USH1C: variants seen among roughly 807,000 people sequenced by gnomAD.
The protein encoded by USH1C is USH1 protein network component harmonin.
Under a neutral mutation model 119.3 loss-of-function variants are expected in USH1C, and 90 were observed. The ratio of observed to expected loss-of-function variants is 0.75; its 90% CI spans 0.64 to 0.90. The LOEUF is 0.90. Ranked by LOEUF, USH1C falls within the 40% of genes least tolerant of loss-of-function variation. The pLI is 0.00. For synonymous variants in USH1C, 465 were observed against 443.3 expected (o/e 1.05, Z -0.62); for missense variants, 1,165 against 1,167.7 (o/e 1.00, Z 0.03).
At position 17,496,826 on chromosome 11, in the gene USH1C, G is replaced by C. The variant is rs780587660; in HGVS notation, c.2491-13C>G. On this transcript the variant is annotated splice_polypyrimidine_tract_variant and intron_variant, in intron 24 of 26. Transcript: ENST00000005226. ...GGTCGATCCAGTCCTGTGGGGAGAA[G>C]CCGTGTGACTCTGGGGCACACTCAG... The C allele has an allele frequency of 6.2e-7, 1 of 1,614,118 alleles. No individual in the cohort carries two copies. The highest frequency in any genetic ancestry group is 8.5e-7 in the Non-Finnish European group (1 of 1,179,948).
chr11:17,503,392 G>A (rs895838608), intron 20 of USH1C, among the ~76,000 whole-genome samples: 22 of 152,348 alleles, frequency 1.4e-4, no homozygotes, highest in Admixed American at 4.6e-4. Flanking sequence ...TGTGTTTTGT[G>A]TGAATTTAGA....
intron 8 of USH1C, among the ~76,000 whole-genome samples, chr11:17,525,275 C>T (rs535953732): frequency 6.6e-6 from 1 of 152,200 alleles, no homozygotes; most frequent in Non-Finnish European, 1.5e-5. Context: ...GTTCGAGTCC[C>T]TATCACCCTA....
Position 17,531,708 on chromosome 11 carries a change from A to G in USH1C, c.105-166T>C, listed in dbSNP as rs1850994558. On this transcript the variant is annotated intron_variant, in intron 2 of 26. Coordinates refer to ENST00000005226, the MANE Select transcript of USH1C (RefSeq NM_153676.4). This position sits in a 1 kb window ranked among gnomAD's most constrained non-coding sequence, Gnocchi z 4.2. ...TCACACCGGGCCAGTGCCTGAGAAG[A>G]CTTTGTTCTCTTATATAAATATCCC... Among the ~76,000 whole-genome samples the G allele has an allele frequency of 6.6e-6, 1 of 152,148 alleles. No individual in the cohort carries two copies. Among genetic ancestry groups the G allele is most frequent in the African/African-American group, 2.4e-5 (1 of 41,408 alleles).
chr11:17,494,410 A>C lies in USH1C; in HGVS notation c.2656-34T>G, dbSNP rs370787719. On this transcript the variant is annotated intron_variant, in intron 26 of 26. Transcript: ENST00000005226. The stretch of plus-strand genomic sequence containing the variant: ...AAGTGGAAACAGCCCAGGTGGATAC[A>C]GGCTTTGTGGGTGCACACTCAGCCC... 2.5e-6 allele frequency: 4 copies of C among 1,579,182 alleles called. No individual in the cohort carries two copies. The African/African-American group carries it at 4.0e-5, about 16-fold the overall frequency.
At chr11:17,524,568 C>T in intron 8 of USH1C, 33 bp from the exon 9 acceptor site, 1 of 1,551,624 alleles carries the variant, frequency 6.4e-7, no homozygotes, top group South Asian at 1.2e-5. Context: ...GCTCGGGATT[C>T]AGGTAACCCA....
chr11:17,521,517 TC>T, intron 12 of USH1C, 106 bp from the exon 13 acceptor site: 3 of 1,203,834 alleles, frequency 2.5e-6, no homozygotes, highest in Admixed American at 3.5e-5. Flanking sequence ...TTCTCCAGGC[TC>T]CCTTCCTAGG....
chr11:17,514,462 G>A (rs1019783320), intron 15 of USH1C: 25 of 152,200 alleles, frequency 1.6e-4, no homozygotes, highest in African/African-American at 4.8e-4. Flanking sequence ...CACGTGATTC[G>A]CCTGTCTTGG....
chr11:17,543,617 G>T (rs1377410179), intron 1 of USH1C, among the ~76,000 whole-genome samples: 1 of 152,158 alleles, frequency 6.6e-6, no homozygotes, highest in Non-Finnish European at 1.5e-5. Flanking sequence ...CCACCAGTGA[G>T]GCCCCTCACT....
chr11:17,510,259 T>A, intron 17 of USH1C, 146 bp downstream of exon 17: 1 of 690,410 alleles, frequency 1.4e-6, no homozygotes, highest in Admixed American at 2.1e-5. Context: ...AAGAGGGGAG[T>A]GGGGTGGTAG....
chr11:17,512,375 C>G (rs908561766), intron 15 of USH1C, among the ~76,000 whole-genome samples: 6 of 152,198 alleles, frequency 3.9e-5, no homozygotes, highest in Non-Finnish European at 8.8e-5. Flanking sequence ...ATACCTCCCC[C>G]ACAGGCTTGC....
rs942153338 is a variant in USH1C, at chr11:17,505,607, C to G, written c.2133+223G>C. Among the ~76,000 whole-genome samples, 27 of 152,220 alleles carry G rather than the reference C, an allele frequency of 1.8e-4. 1 individual carries two copies. Among genetic ancestry groups the G allele is most frequent in the Admixed American group, 1.4e-3 (22 of 15,290 alleles). ...TCATTATTACTTTTAGACAGAGCTCCAGGCTGTTCAGTCAAGTGGGGAACA... is the reference window on the plus strand; with the variant it reads ...TCATTATTACTTTTAGACAGAGCTCGAGGCTGTTCAGTCAAGTGGGGAACA... On this transcript the variant is annotated intron_variant, in intron 19 of 26. Transcript: ENST00000005226.
intron 8 of USH1C, among the ~76,000 whole-genome samples, chr11:17,525,854 C>T (rs1477220225): frequency 6.6e-6 from 1 of 152,222 alleles, no homozygotes; most frequent in African/African-American, 2.4e-5. Context: ...AGATGACCCT[C>T]TGGCCCTAAA....
chr11:17,495,436 G>C, intron 26 of USH1C, 133 bp downstream of exon 26: 1 of 927,694 alleles, frequency 1.1e-6, no homozygotes, highest in South Asian at 1.3e-5. Context: ...CAGGCCCCAG[G>C]CAGCACTTCA....
intron 14 of USH1C, among the ~76,000 whole-genome samples, chr11:17,519,944 G>T (rs962526848): frequency 5.1e-4 from 78 of 152,108 alleles, no homozygotes; most frequent in African/African-American, 1.5e-3. Flanking sequence ...CCAAATGACT[G>T]CCCCACAGCA....
intron 23 of USH1C, 61 bp from the exon 24 acceptor site, chr11:17,498,332 G>A: frequency 6.7e-7 from 1 of 1,497,662 alleles, no homozygotes; most frequent in Non-Finnish European, 9.3e-7. Context: ...CTGGCCCAGG[G>A]CTTGGCAAAG....
At position 17,522,957 on chromosome 11, in the gene USH1C, C is replaced by T. The variant is rs184856304; in HGVS notation, c.877-31G>A. 8.1e-6 allele frequency: 13 copies of T among 1,602,534 alleles called. No homozygotes were observed. In the Admixed American group the frequency reaches 1.7e-4, roughly 21 times the overall value. On this transcript the variant is annotated intron_variant, in intron 11 of 26. Transcript: ENST00000005226. ...GGGAGAAAAGAGGCCCCTTGCTCAG[C>T]CCCCGGGGAACCTGGGGATCCCCTG...
chr11:17,526,468 C>T lies in USH1C; in HGVS notation c.580-27G>A, dbSNP rs6486378. 476,649 of 1,603,294 alleles carry T rather than the reference C, an allele frequency of 0.3. 72,172 individuals are homozygous for T. The highest frequency in any genetic ancestry group is 0.51 in the East Asian group (22,959 of 44,722). On this transcript the variant is annotated intron_variant, in intron 7 of 26. Transcript: ENST00000005226. ...TGAAAGAGAGATAGAAGCAGAATCA[C>T]GGAGTGTCCACATGCGTGCAAGCGG... is the stretch of plus-strand genomic sequence containing the variant.
intron 15 of USH1C, among the ~76,000 whole-genome samples, 160 bp downstream of exon 15, chr11:17,516,081 T>C (rs1850131103): frequency 6.6e-6 from 1 of 152,212 alleles, no homozygotes; most frequent in African/African-American, 2.4e-5. Flanking sequence ...ACCCTGCCAT[T>C]TGATGTCAGC....
In USH1C at chr11:17,496,854, G is replaced by A. The variant is rs200004245; in HGVS notation, c.2491-41C>T. 2.8e-3 allele frequency: 4,488 copies of A among 1,610,578 alleles called. 25 individuals carry two copies. The highest frequency in any genetic ancestry group is 7.5e-3 in the South Asian group (678 of 90,964). The stretch of plus-strand genomic sequence containing the variant: ...GTGTGACTCTGGGGCACACTCAGTT[G>A]GATGGTGCATCTGCCCCGGCACTCC... On this transcript the variant is annotated intron_variant, in intron 24 of 26. Coordinates refer to ENST00000005226, the MANE Select transcript of USH1C (RefSeq NM_153676.4).
Sources: gnomAD v4.1 joint callset for allele counts (sites outside exome capture counted in the v4.1 genomes callset) on GRCh38, gnomAD v4.1.1 for gene constraint, Gnocchi (gnomAD v3.1) non-coding constraint, MANE v1.5 for transcripts, NCBI Gene and HGNC (gene_info 2026-07-23, HGNC 2026-07-21) for gene names.